The following CRACD variants were observed in gnomAD, a reference collection of about 807,000 sequenced individuals.
The protein encoded by CRACD is capping protein inhibiting regulator of actin dynamics, also known as capping protein-inhibiting regulator of actin dynamics.
CRACD carries 56 observed loss-of-function variants against 106.8 expected under a neutral mutation model. That is an observed-to-expected ratio of 0.52 (90% CI 0.42 to 0.66). The LOEUF is 0.66. Ranked by LOEUF, CRACD falls within the 30% of genes least tolerant of loss-of-function variation. The pLI is 0.00. For missense variants in CRACD, 1,730 were observed against 1,623.2 expected (o/e 1.07, Z -1.13); for synonymous variants, 754 against 670.8 (o/e 1.12, Z -1.92).
chr4:56,315,488 G>C lies in CRACD; in HGVS notation c.1986G>C (p.Ala662=). Residue 662 remains alanine (A), a synonymous_variant, in exon 8 of 11, where the codon GCG becomes GCC. Transcript: ENST00000682029. This position sits in a 1 kb window ranked among gnomAD's most constrained non-coding sequence, Gnocchi z 4.1. ...CCCGCCAGGAGTCTCCCAGCAGCGCGTCCGCACTCGCAGAATGGGCTTCCA... is the reference window on the plus strand; with the variant it reads ...CCCGCCAGGAGTCTCCCAGCAGCGCCTCCGCACTCGCAGAATGGGCTTCCA... ...AKPRQESPSS[A]SALAEWASIR... is the part of the protein sequence containing the mutation. 1 of 1,613,322 alleles carries C rather than the reference G, an allele frequency of 6.2e-7. No homozygotes were observed. Among genetic ancestry groups the C allele is most frequent in the Non-Finnish European group, 8.5e-7 (1 of 1,179,838 alleles).
chr4:56,134,164 TGTACTCTA>T (rs1734919177), intron 1 of CRACD, among the ~76,000 whole-genome samples: 1 of 151,460 alleles, frequency 6.6e-6, no homozygotes. Flanking sequence ...TTCCCACCAC[TGTACTCTA>T]GCCTGGGTGG....
chr4:56,230,984 C>T (rs1391816670), intron 2 of CRACD, among the ~76,000 whole-genome samples: 1 of 152,110 alleles, frequency 6.6e-6, no homozygotes, highest in Admixed American at 6.5e-5. Flanking sequence ...AGCTTATGGA[C>T]TTGGATCACC....
chr4:56,069,984 T>C (rs543713882), intron 1 of CRACD, among the ~76,000 whole-genome samples: 1 of 152,360 alleles, frequency 6.6e-6, no homozygotes, highest in Admixed American at 6.5e-5. Flanking sequence ...GGTTAATAGC[T>C]ATTTCCTAAT....
intron 1 of CRACD, among the ~76,000 whole-genome samples, chr4:56,171,813 G>A (rs1736377512): frequency 6.6e-6 from 1 of 152,086 alleles, no homozygotes; most frequent in Non-Finnish European, 1.5e-5. Flanking sequence ...TCCGTCCTGT[G>A]GGTAAGGCAC....
chr4:56,263,184 C>T (rs553936086), intron 2 of CRACD, among the ~76,000 whole-genome samples: 10 of 152,246 alleles, frequency 6.6e-5, no homozygotes, highest in African/African-American at 2.4e-4. Flanking sequence ...GGCAGGCTTT[C>T]TAGAGAATGT....
rs772615327 is a variant in CRACD at position 56,272,405 on chromosome 4, C to T, written c.-104C>T. Reference sequence around the variant, plus strand: ...AAAGACCCTTCGTTGTTCCGGGTGCCGTCGTTGGGGAAGAAGAGTTACTCT... The same window carrying T: ...AAAGACCCTTCGTTGTTCCGGGTGCTGTCGTTGGGGAAGAAGAGTTACTCT... On this transcript the variant is annotated 5_prime_UTR_variant, in exon 3 of 11. Coordinates refer to ENST00000682029, the MANE Select transcript of CRACD (RefSeq NM_001393381.1). 8 of 152,602 alleles carry T rather than the reference C, an allele frequency of 5.2e-5. No homozygotes were observed. Among genetic ancestry groups the T allele is most frequent in the African/African-American group, 1.4e-4 (6 of 41,420 alleles). The allele number at this position is 152,602 out of a possible 1,614,324, so 9.5% of individuals were successfully genotyped here.
intron 2 of CRACD, among the ~76,000 whole-genome samples, chr4:56,269,415 C>T (rs1374948391): frequency 6.6e-6 from 1 of 151,856 alleles, no homozygotes; most frequent in Non-Finnish European, 1.5e-5. Context: ...AATTGGTCCA[C>T]AGTTCTACAG....
intron 2 of CRACD, among the ~76,000 whole-genome samples, chr4:56,199,718 A>T (rs1737794899): frequency 6.6e-6 from 1 of 151,526 alleles, no homozygotes; most frequent in South Asian, 2.1e-4. Flanking sequence ...AGAAAAAGAG[A>T]ACCTAATATT....
intron 1 of CRACD, among the ~76,000 whole-genome samples, chr4:56,110,794 A>G (rs1734094633): frequency 6.6e-6 from 1 of 152,090 alleles, no homozygotes; most frequent in Admixed American, 6.6e-5. Flanking sequence ...ACGGGGTTTC[A>G]CCATGTAGGC....
At chr4:56,116,039 T>C (rs753938863) in intron 1 of CRACD, among the ~76,000 whole-genome samples, 4 of 152,204 alleles carry the variant, frequency 2.6e-5, no homozygotes, top group Non-Finnish European at 4.4e-5. Context: ...CTGCCTGCGC[T>C]CTTAAATAAT....
chr4:56,138,332 T>C (rs1335729963), intron 1 of CRACD, among the ~76,000 whole-genome samples: 1 of 151,928 alleles, frequency 6.6e-6, no homozygotes, highest in Admixed American at 6.6e-5. Flanking sequence ...GGTGTAATGG[T>C]GTGTGCCTGC....
intron 1 of CRACD, among the ~76,000 whole-genome samples, chr4:56,156,417 C>T (rs143428919): frequency 2.0e-5 from 3 of 152,296 alleles, no homozygotes; most frequent in Non-Finnish European, 4.4e-5. Context: ...CTTTACCACC[C>T]GCCAACCGTG....
intron 1 of CRACD, among the ~76,000 whole-genome samples, chr4:56,151,452 A>G (rs1157704380): frequency 1.3e-5 from 2 of 152,058 alleles, no homozygotes; most frequent in Non-Finnish European, 2.9e-5. Context: ...AATACAAATA[A>G]TGTTTTTTCT....
intron 8 of CRACD, 113 bp from the exon 9 acceptor site, chr4:56,323,264 C>A: frequency 1.1e-6 from 1 of 878,174 alleles, no homozygotes; most frequent in Non-Finnish European, 1.7e-6. Flanking sequence ...AGGAAGGGGC[C>A]AGCTGAATAT....
Position 56,262,787 on chromosome 4 carries a change from T to C in CRACD, c.-188-9534T>C, listed in dbSNP as rs78222085. Among the ~76,000 whole-genome samples the C allele has an allele frequency of 3.6e-3, 547 of 152,346 alleles. 4 individuals carry two copies. The highest frequency in any genetic ancestry group is 0.012 in the African/African-American group (495 of 41,598). On this transcript the variant is annotated intron_variant, in intron 2 of 10. Transcript: ENST00000682029. ...AAATCCCAAAAGTTCTTTGTAAGTTTAGCACAAATTCATTTGTTAGCAAAG... is the reference window on the plus strand; with the variant it reads ...AAATCCCAAAAGTTCTTTGTAAGTTCAGCACAAATTCATTTGTTAGCAAAG...
At chr4:56,181,912 CAAATTCAGTGGTACTGCAGG>C (rs1184926089) in intron 2 of CRACD, among the ~76,000 whole-genome samples, 1 of 152,194 alleles carries the variant, frequency 6.6e-6, no homozygotes, top group Non-Finnish European at 1.5e-5. Flanking sequence ...CAAATAAGGT[CAAATTCAGTGGTACTGCAGG>C]GTCAGGACTT....
intron 8 of CRACD, chr4:56,321,102 G>A (rs1186859513): frequency 1.1e-5 from 2 of 178,088 alleles, no homozygotes; most frequent in African/African-American, 2.4e-5. Context: ...ACAACATCTT[G>A]TCTTTGCTGT....
chr4:56,326,766 GTCTC>G lies in CRACD; in HGVS notation c.3542-872_3542-869del, dbSNP rs561464572. 1.3e-4 allele frequency among the ~76,000 whole-genome samples: 20 copies of G among 148,208 alleles called. No individual in the cohort carries two copies. In the East Asian group the frequency reaches 3.6e-3, roughly 26 times the overall value. ...CTTTTTTTTTTTTTTTTGAAGCAGA[GTCTC>G]TCTCTGTCACCCATGCTGGAGTGCA... On this transcript the variant is annotated intron_variant, in intron 10 of 10. Coordinates refer to ENST00000682029, the MANE Select transcript of CRACD (RefSeq NM_001393381.1).
intron 10 of CRACD, among the ~76,000 whole-genome samples, chr4:56,325,083 C>A (rs954980014): frequency 2.0e-5 from 3 of 152,012 alleles, no homozygotes; most frequent in African/African-American, 7.3e-5. Flanking sequence ...GCCTGTAATC[C>A]CAGCACTTTG....
Sources: allele counts gnomAD v4.1 joint callset (sites outside exome capture counted in the v4.1 genomes callset), GRCh38; gene constraint gnomAD v4.1.1; non-coding constraint Gnocchi (gnomAD v3.1); transcripts MANE v1.5; gene names NCBI Gene and HGNC (gene_info 2026-07-23, HGNC 2026-07-21).